LRPPRC: variants seen among roughly 807,000 people sequenced by gnomAD.
LRPPRC encodes the protein leucine rich pentatricopeptide repeat containing, also known as leucine-rich PPR motif-containing protein, mitochondrial.
Under a neutral mutation model 180.3 loss-of-function variants are expected in LRPPRC, and 120 were observed. The observed-to-expected ratio is 0.67, with a 90% CI of 0.57 to 0.77. The LOEUF is 0.77. Ranked by LOEUF, LRPPRC falls within the 30% of genes least tolerant of loss-of-function variation. LRPPRC has a pLI of 0.00. For missense variants in LRPPRC, 2,012 were observed against 1,657.2 expected, an observed-to-expected ratio of 1.21 and a Z score of -3.72; for synonymous variants, 723 against 600.0, an observed-to-expected ratio of 1.21 and a Z score of -3.00.
intron 30 of LRPPRC, among the ~76,000 whole-genome samples, chr2:43,912,087 G>C (rs1392435350): frequency 6.6e-6 from 1 of 152,120 alleles, no homozygotes; most frequent in Non-Finnish European, 1.5e-5. Context: ...TGGTGTCTTT[G>C]TTTTCTCAGG....
In LRPPRC at chr2:43,886,828, T is replaced by C. The variant is rs1385832859; in HGVS notation, c.*1772A>G. ...TGCAAAAAAATGAGGCCTGCTTCAG[T>C]GCAATCACTAAAGACAGGAGTGAGG... On this transcript the variant is annotated 3_prime_UTR_variant, in exon 38 of 38. Transcript: ENST00000260665. 1 of 152,190 alleles carries C rather than the reference T, an allele frequency of 6.6e-6. No individual in the cohort carries two copies. The highest frequency in any genetic ancestry group is 2.4e-5 in the African/African-American group (1 of 41,442). The allele number at this position is 152,190 out of a possible 1,614,324, so 9.4% of individuals were successfully genotyped here. A position where few individuals can be genotyped will look rare whatever the true frequency, so the allele number is the denominator to read the frequency against.
intron 20 of LRPPRC, 25 bp from the exon 21 acceptor site, chr2:43,946,268 A>G (rs1672678747): frequency 6.3e-7 from 1 of 1,599,410 alleles, no homozygotes. Context: ...AGATGTGAAA[A>G]AGAAGAAATC....
chr2:43,959,197 TTTC>T (rs1256142528), intron 13 of LRPPRC: 3 of 716,404 alleles, frequency 4.2e-6, no homozygotes, highest in Non-Finnish European at 7.8e-6. Context: ...GCTTCTCTGT[TTTC>T]TTCTTGTCAG....
intron 14 of LRPPRC, among the ~76,000 whole-genome samples, chr2:43,953,285 T>G (rs559911339): frequency 6.6e-6 from 1 of 152,338 alleles, no homozygotes; most frequent in East Asian, 1.9e-4. Flanking sequence ...TGCTCTGAAT[T>G]AGGCACATAT....
rs375631611 is a variant in LRPPRC at position 43,915,232 on chromosome 2, TCA to T, written c.3149-2676_3149-2675del. On this transcript the variant is annotated intron_variant, in intron 29 of 37. Transcript: ENST00000260665. ...CTCTCTCTCTCTCTCTCTCTCTCTC[TCA>T]CACACACACACACACACACACACAC... is the stretch of plus-strand genomic sequence containing the variant. Among the ~76,000 whole-genome samples the T allele has an allele frequency of 8.3e-3, 429 of 51,604 alleles. 1 individual carries two copies. Among genetic ancestry groups the T allele is most frequent in the South Asian group, 0.016 (20 of 1,246 alleles). The allele number at this position is 51,604 out of a possible 152,430, so 33.9% of individuals were successfully genotyped here. A position where few individuals can be genotyped will look rare whatever the true frequency, so the allele number is the denominator to read the frequency against.
At chr2:43,970,005 CTT>C (rs1673733912) in intron 11 of LRPPRC, among the ~76,000 whole-genome samples, 1 of 152,094 alleles carries the variant, frequency 6.6e-6, no homozygotes, top group African/African-American at 2.4e-5. Context: ...GCAATAATAA[CTT>C]AATTTTTTTC....
chr2:43,959,673 G>A (rs945506199), intron 13 of LRPPRC, among the ~76,000 whole-genome samples: 7 of 152,138 alleles, frequency 4.6e-5, no homozygotes, highest in Admixed American at 2.6e-4. Flanking sequence ...GGGAGGCTGA[G>A]GCAGGCGGAT....
At chr2:43,935,421 A>G (rs1672241389) in intron 23 of LRPPRC, among the ~76,000 whole-genome samples, 1 of 152,220 alleles carries the variant, frequency 6.6e-6, no homozygotes, top group African/African-American at 2.4e-5. Context: ...GTAGGAAATA[A>G]CCTCAAGTTT....
Position 43,975,160 on chromosome 2 carries a change from A to G in LRPPRC, c.795T>C (p.Pro265=). The G allele has an allele frequency of 1.2e-6, 2 of 1,613,532 alleles. No homozygotes were observed. Among genetic ancestry groups the G allele is most frequent in the Non-Finnish European group, 1.7e-6 (2 of 1,179,654 alleles). Residue 265 remains proline, a synonymous_variant, in exon 7 of 38, where the codon CCT becomes CCC. Coordinates refer to ENST00000260665, the MANE Select transcript of LRPPRC (RefSeq NM_133259.4). The stretch of plus-strand genomic sequence containing the variant: ...ATAATGCGAGGTATGTGTCTGGACC[A>G]GGCTCAATTCCGGCATCTCTCATCA... ...LTVMRDAGIE[P]GPDTYLALLN...
chr2:43,960,530 T>C lies in LRPPRC; in HGVS notation c.1582+11A>G, dbSNP rs374212734. On this transcript the variant is annotated intron_variant, in intron 13 of 37. Transcript: ENST00000260665. ...CATCTATCAAGTTTACCGCTAATGT[T>C]GTATACTTACAAAATGATAATACAA... is the stretch of plus-strand genomic sequence containing the variant. 221 of 1,413,266 alleles carry C rather than the reference T, an allele frequency of 1.6e-4. No homozygotes were observed. Among genetic ancestry groups the C allele is most frequent in the Non-Finnish European group, 2.2e-4 (219 of 998,832 alleles). 87.5% of individuals were successfully genotyped at this position (1,413,266 alleles called of 1,614,324 possible). A position where few individuals can be genotyped will look rare whatever the true frequency, so the allele number is the denominator to read the frequency against.
At chr2:43,976,698 TAGGAAA>T (rs1466351680) in intron 5 of LRPPRC, among the ~76,000 whole-genome samples, 5 of 148,766 alleles carry the variant, frequency 3.4e-5, no homozygotes, top group Non-Finnish European at 5.9e-5. Flanking sequence ...ACATTTCCCT[TAGGAAA>T]TATTTAAAAA....
chr2:43,980,095 A>T (rs549114300), intron 2 of LRPPRC, 147 bp from the exon 3 acceptor site: 2 of 737,788 alleles, frequency 2.7e-6, no homozygotes, highest in East Asian at 2.7e-5. Flanking sequence ...TCCTATCCTA[A>T]TGTACAGTGT....
At position 43,963,253 on chromosome 2, in the gene LRPPRC, C is replaced by T. The variant is rs6706737; in HGVS notation, c.1488+335G>A. Among the ~76,000 whole-genome samples the T allele has an allele frequency of 0.41, 62,455 of 151,828 alleles. 13,594 individuals are homozygous for T. Among genetic ancestry groups the T allele is most frequent in the Non-Finnish European group, 0.49 (33,067 of 67,926 alleles). On this transcript the variant is annotated intron_variant, in intron 12 of 37. Transcript: ENST00000260665. ...TGAGGTCGGGAGTTTGAGTCCAGCC[C>T]GACCAACATGGAGAAACCCTGTCTC...
chr2:43,927,736 G>T (rs1328183366), intron 25 of LRPPRC, among the ~76,000 whole-genome samples: 1 of 152,302 alleles, frequency 6.6e-6, no homozygotes, highest in East Asian at 1.9e-4. Flanking sequence ...CTTTCTGTTT[G>T]TGGCTGATTA....
intron 12 of LRPPRC, 86 bp from the exon 13 acceptor site, chr2:43,960,720 A>G: frequency 1.3e-6 from 1 of 785,500 alleles, no homozygotes. Context: ...TGATTATTTG[A>G]ATCACCATAT....
intron 31 of LRPPRC, chr2:43,902,646 C>T (rs1670929095): frequency 6.6e-6 from 1 of 151,936 alleles, no homozygotes; most frequent in Non-Finnish European, 1.5e-5. Flanking sequence ...GGTTAAAAAG[C>T]ATAGTCAATA....
At position 43,973,854 on chromosome 2, in the gene LRPPRC, T is replaced by C; in HGVS notation, c.1202A>G (p.Gln401Arg). The change falls in exon 10 of 38, where the codon CAG (glutamine) becomes CGG (arginine). Residue 401 changes from glutamine to arginine, a missense_variant. By Grantham distance (43) the Gln-to-Arg change is conservative. Coordinates refer to ENST00000260665, the MANE Select transcript of LRPPRC (RefSeq NM_133259.4). ...TDYCKKLKEVQMHSFPLQFTL... is the reference protein window; with the variant it reads ...TDYCKKLKEVRMHSFPLQFTL... ...GAACTGCAGAGGAAAGGAGTGCATC[T>C]GGACTTCCTTTAACTTCTTACAGTA... is the stretch of plus-strand genomic sequence containing the variant. The C allele has an allele frequency of 1.2e-6, 2 of 1,613,796 alleles. No homozygotes were observed. Among genetic ancestry groups the C allele is most frequent in the Non-Finnish European group, 1.7e-6 (2 of 1,179,730 alleles).
At chr2:43,907,379 G>C (rs896612347) in intron 30 of LRPPRC, among the ~76,000 whole-genome samples, 3 of 152,134 alleles carry the variant, frequency 2.0e-5, no homozygotes, top group South Asian at 2.1e-4. Context: ...GTTGCGGGTA[G>C]AGATCTTTAT....
chr2:43,890,271 G>A, intron 36 of LRPPRC: 1 of 443,458 alleles, frequency 2.3e-6, no homozygotes, highest in South Asian at 1.7e-5. Context: ...AGATAATCCA[G>A]GAACTGTTGT....
Sources: allele counts gnomAD v4.1 joint callset (sites outside exome capture counted in the v4.1 genomes callset), GRCh38; gene constraint gnomAD v4.1.1; transcripts MANE v1.5; gene names NCBI Gene and HGNC (gene_info 2026-07-23, HGNC 2026-07-21).